Variants in DOCK5 observed in about 807,000 individuals in gnomAD.
The protein encoded by DOCK5 is dedicator of cytokinesis 5, also known as dedicator of cytokinesis protein 5.
DOCK5 carries 142 observed loss-of-function variants against 251.8 expected under a neutral mutation model. The observed-to-expected ratio is 0.56, with a 90% confidence interval of 0.49 to 0.65. The LOEUF is 0.65. DOCK5 is among the 30% of genes least tolerant of loss of function. DOCK5 has a pLI of 0.00. For missense variants in DOCK5, 2,111 were observed against 2,312.3 expected, an observed-to-expected ratio of 0.91 and a Z score of 1.79; for synonymous variants, 842 against 835.5, an observed-to-expected ratio of 1.01 and a Z score of -0.13.
intron 6 of DOCK5, among the ~76,000 whole-genome samples, chr8:25,293,747 T>C (rs758235646): frequency 5.9e-5 from 9 of 152,154 alleles, no homozygotes; most frequent in Non-Finnish European, 1.2e-4. Context: ...CTCATGCCTT[T>C]AATCCCAGCA....
At chr8:25,303,834 T>C (rs1804829379) in intron 10 of DOCK5, among the ~76,000 whole-genome samples, 2 of 152,138 alleles carry the variant, frequency 1.3e-5, no homozygotes, top group African/African-American at 4.8e-5. Flanking sequence ...CGTGGTGGCA[T>C]GTGCTGTAGT....
chr8:25,311,074 G>A (rs1805080182), intron 13 of DOCK5, among the ~76,000 whole-genome samples: 2 of 152,096 alleles, frequency 1.3e-5, no homozygotes, highest in African/African-American at 2.4e-5. Context: ...TGACAAGAAT[G>A]TCAGCATTTT....
At chr8:25,395,344 C>T (rs1275138545) in intron 44 of DOCK5, among the ~76,000 whole-genome samples, 199 bp from the exon 45 acceptor site, 1 of 152,184 alleles carries the variant, frequency 6.6e-6, no homozygotes, top group Non-Finnish European at 1.5e-5. Flanking sequence ...GCTGTGTGGC[C>T]TGTTTCCTAA....
rs751203982 is a variant in DOCK5, at chr8:25,408,930, C to T, written c.5394C>T (p.Thr1798=). 5.6e-6 allele frequency: 9 copies of T among 1,613,980 alleles called. No individual in the cohort carries two copies. In the Admixed American group the frequency reaches 1.5e-4, roughly 27 times the overall value. Reference sequence around the variant, plus strand: ...CACCTCCACTCACTCCCAAAGCCACCAGGACCCTAAGTAAGTTTTCCTGTA... The same window carrying T: ...CACCTCCACTCACTCCCAAAGCCACTAGGACCCTAAGTAAGTTTTCCTGTA... ...LSPPPLTPKA[T]RTLSSPSLQT... The change falls in exon 50 of 52, where the codon ACC becomes ACT. Residue 1798 remains threonine (T), a synonymous_variant. Transcript: ENST00000276440.
rs532197854 is a variant in DOCK5 at position 25,222,476 on chromosome 8, G to A, written c.44-21198G>A. 5.3e-5 allele frequency among the ~76,000 whole-genome samples: 8 copies of A among 152,224 alleles called. No individual in the cohort carries two copies. The South Asian group carries it at 1.5e-3, about 28-fold the overall frequency. On this transcript the variant is annotated intron_variant, in intron 1 of 51. Coordinates refer to ENST00000276440, the MANE Select transcript of DOCK5 (RefSeq NM_024940.8). ...CAGATGGTCCTTTATTTTCTGAGCC[G>A]TTGAGTAAAAGCGTGTGATATGCCC...
chr8:25,409,044 T>C, intron 50 of DOCK5, 104 bp downstream of exon 50: 2 of 1,508,602 alleles, frequency 1.3e-6, no homozygotes, highest in Non-Finnish European at 9.1e-7. Context: ...TGTAAGACCA[T>C]TGTAAAACTG....
chr8:25,239,736 C>T lies in DOCK5; in HGVS notation c.44-3938C>T, dbSNP rs537147780. Among the ~76,000 whole-genome samples the T allele has an allele frequency of 2.0e-5, 3 of 152,288 alleles. No homozygotes were observed. In the South Asian group the frequency reaches 6.2e-4, roughly 32 times the overall value. ...AAAGTCTAGGAATTGGGAATTACTC[C>T]TACTTCTGAATCGCGTGCGATTTCT... On this transcript the variant is annotated intron_variant, in intron 1 of 51. Transcript: ENST00000276440.
intron 1 of DOCK5, among the ~76,000 whole-genome samples, chr8:25,224,219 A>G (rs755559307): frequency 1.8e-4 from 28 of 152,064 alleles, no homozygotes; most frequent in Non-Finnish European, 2.8e-4. Context: ...CCCGAGTTCA[A>G]GTGATTTTCC....
At chr8:25,321,127 C>A in intron 16 of DOCK5, 75 bp downstream of exon 16, 2 of 1,270,664 alleles carry the variant, frequency 1.6e-6, no homozygotes, top group Non-Finnish European at 2.2e-6. Flanking sequence ...TCTTGTGAAG[C>A]TGGAGAACAA....
chr8:25,344,062 C>T (rs1331988717), intron 25 of DOCK5, among the ~76,000 whole-genome samples: 1 of 152,208 alleles, frequency 6.6e-6, no homozygotes, highest in East Asian at 1.9e-4. Context: ...CCCACCTTGG[C>T]CTCCCAGAGT....
intron 11 of DOCK5, among the ~76,000 whole-genome samples, chr8:25,306,511 G>A (rs931989467): frequency 2.6e-5 from 4 of 152,012 alleles, no homozygotes; most frequent in South Asian, 4.1e-4. Flanking sequence ...TCGAGACCAC[G>A]GTGAAACCCT....
chr8:25,346,634 G>C (rs1349947401), intron 26 of DOCK5, among the ~76,000 whole-genome samples: 1 of 101,996 alleles, frequency 9.8e-6, no homozygotes, highest in Non-Finnish European at 2.1e-5. Context: ...GACCATCCTG[G>C]CTAACACAGT....
chr8:25,393,491 C>T (rs1434999319), intron 44 of DOCK5, among the ~76,000 whole-genome samples: 1 of 152,150 alleles, frequency 6.6e-6, no homozygotes, highest in African/African-American at 2.4e-5. Flanking sequence ...AAAGCCTGTC[C>T]TCCTTAGCAC....
At chr8:25,402,319 CAG>C (rs1801452716) in intron 47 of DOCK5, among the ~76,000 whole-genome samples, 1 of 151,528 alleles carries the variant, frequency 6.6e-6, no homozygotes, top group African/African-American at 2.4e-5. Context: ...TTTTTTGAGA[CAG>C]AGTCTCGCTC....
rs558726558 is a variant in DOCK5 at position 25,260,059 on chromosome 8, G to A, written c.128-8786G>A. Reference sequence around the variant, plus strand: ...ACAGGGAGAGGTGCAGCCACTGTCTGTAAGGAAGGATTTTAGACCCAGCCC... The same window carrying A: ...ACAGGGAGAGGTGCAGCCACTGTCTATAAGGAAGGATTTTAGACCCAGCCC... On this transcript the variant is annotated intron_variant, in intron 2 of 51. Coordinates refer to ENST00000276440, the MANE Select transcript of DOCK5 (RefSeq NM_024940.8). 1.8e-3 allele frequency among the ~76,000 whole-genome samples: 267 copies of A among 152,146 alleles called. 1 individual carries two copies. The highest frequency in any genetic ancestry group is 2.9e-3 in the Non-Finnish European group (198 of 67,988).
chr8:25,308,079 CAGG>C (rs1029419693), intron 11 of DOCK5, among the ~76,000 whole-genome samples: 2 of 152,136 alleles, frequency 1.3e-5, no homozygotes, highest in African/African-American at 4.8e-5. Flanking sequence ...ACAGAGGAGA[CAGG>C]AGACTATTGT....
In DOCK5 at chr8:25,345,477, T is replaced by A; in HGVS notation, c.2620T>A (p.Cys874Ser). ...VESTLFRQSE[C>S]REVLLPLLTD... ...GCTGTCTGTGTTTTCCTTCTCAGAG[T>A]GCAGAGAAGTGCTGCTGCCACTGCT... Residue 874 changes from cysteine (C) to serine (S), a missense_variant and splice_region_variant, in exon 26 of 52, where the codon TGC (cysteine) becomes AGC (serine). By Grantham distance (112) the Cys-to-Ser change is moderately radical. Coordinates refer to ENST00000276440, the MANE Select transcript of DOCK5 (RefSeq NM_024940.8). 1.2e-6 allele frequency: 2 copies of A among 1,613,570 alleles called. No homozygotes were observed. Among genetic ancestry groups the A allele is most frequent in the Non-Finnish European group, 1.7e-6 (2 of 1,179,798 alleles).
At chr8:25,367,102 T>C in intron 31 of DOCK5, 132 bp downstream of exon 31, 2 of 749,630 alleles carry the variant, frequency 2.7e-6, no homozygotes. Context: ...AGTCTTCAAC[T>C]AATTACTTAA....
At chr8:25,243,133 G>T (rs1465674690) in intron 1 of DOCK5, among the ~76,000 whole-genome samples, 1 of 152,000 alleles carries the variant, frequency 6.6e-6, no homozygotes, top group African/African-American at 2.4e-5. Context: ...AGTTCCCTGG[G>T]GACAGGGGCC....
Sources: gnomAD v4.1 joint callset for allele counts (sites outside exome capture counted in the v4.1 genomes callset) on GRCh38, gnomAD v4.1.1 for gene constraint, MANE v1.5 for transcripts, NCBI Gene and HGNC (gene_info 2026-07-23, HGNC 2026-07-21) for gene names.